The following SRPK2 variants were observed in gnomAD, a reference collection of about 807,000 sequenced individuals.
SRPK2 encodes the protein SRSF protein kinase 2.
In SRPK2, 21 loss-of-function variants were observed where a neutral mutation model predicts 90.8. That is an observed-to-expected ratio of 0.23 (90% CI 0.16 to 0.33). SRPK2 has a LOEUF of 0.33. Ranked by LOEUF, SRPK2 falls within the 10% of genes least tolerant of loss-of-function variation. The pLI is 1.00. For synonymous variants in SRPK2, 288 were observed against 311.1 expected (o/e 0.93, Z 0.78); for missense variants, 620 against 869.0 (o/e 0.71, Z 3.60).
intron 2 of SRPK2, among the ~76,000 whole-genome samples, chr7:105,342,826 A>G (rs561348118): frequency 8.1e-4 from 124 of 152,318 alleles, no homozygotes; most frequent in African/African-American, 2.9e-3. Flanking sequence ...ATAAACAAGA[A>G]GAGGAAAGGA....
chr7:105,224,652 G>C (rs1798501714), intron 2 of SRPK2, among the ~76,000 whole-genome samples: 1 of 152,050 alleles, frequency 6.6e-6, no homozygotes, highest in South Asian at 2.1e-4. Context: ...TAATTATCCA[G>C]TAAATACATC....
At chr7:105,170,610 C>T (rs1170423516) in intron 3 of SRPK2, among the ~76,000 whole-genome samples, 1 of 151,310 alleles carries the variant, frequency 6.6e-6, no homozygotes, top group Non-Finnish European at 1.5e-5. Flanking sequence ...AGAAGAATTG[C>T]TTGAACCCAG....
chr7:105,354,571 G>A (rs918317999), intron 2 of SRPK2, among the ~76,000 whole-genome samples: 2 of 152,154 alleles, frequency 1.3e-5, no homozygotes, highest in African/African-American at 2.4e-5. Context: ...GCATAGCAAT[G>A]CAAGAGATCA....
chr7:105,203,864 T>C, intron 2 of SRPK2, 79 bp from the exon 3 acceptor site: 3 of 1,490,092 alleles, frequency 2.0e-6, no homozygotes, highest in Admixed American at 2.3e-5. Flanking sequence ...CTTCTTAATA[T>C]GGGGGAAAAA....
chr7:105,300,545 T>C (rs775320596), intron 2 of SRPK2, among the ~76,000 whole-genome samples: 1 of 152,206 alleles, frequency 6.6e-6, no homozygotes, highest in Non-Finnish European at 1.5e-5. Context: ...CTAAGCTTCA[T>C]GTCAGTATAA....
chr7:105,355,498 T>A (rs4727619), intron 2 of SRPK2, among the ~76,000 whole-genome samples: 142,488 of 151,704 alleles, frequency 0.94, 67,596 homozygotes, highest in East Asian at 1. Flanking sequence ...TAAAAATTTT[T>A]AAAAAATTAG....
chr7:105,205,872 T>G, intron 2 of SRPK2: 1 of 512,712 alleles, frequency 2.0e-6, no homozygotes, highest in Non-Finnish European at 3.9e-6. Flanking sequence ...CTTTGAAAGC[T>G]AGCTGTTTCT....
intron 2 of SRPK2, among the ~76,000 whole-genome samples, chr7:105,311,987 G>T (rs1363470798): frequency 2.0e-5 from 3 of 152,102 alleles, no homozygotes; most frequent in Non-Finnish European, 4.4e-5. Context: ...ACAAATTGTG[G>T]TACATATATA....
At chr7:105,389,055 C>T (rs2132874187), upstream of SRPK2, 4 of 970,250 alleles carry the variant, frequency 4.1e-6, no homozygotes, top group South Asian at 1.4e-4. Flanking sequence ...CGCCCCGCGC[C>T]CCCGCCCCAC....
intron 2 of SRPK2, among the ~76,000 whole-genome samples, chr7:105,374,641 G>A (rs1391728100): frequency 6.6e-6 from 1 of 152,114 alleles, no homozygotes; most frequent in Non-Finnish European, 1.5e-5. Flanking sequence ...GTCTCATTCG[G>A]TCGCCCAGGT....
intron 2 of SRPK2, among the ~76,000 whole-genome samples, chr7:105,385,587 G>C (rs1821482631): frequency 6.6e-6 from 1 of 152,028 alleles, no homozygotes; most frequent in East Asian, 1.9e-4. Flanking sequence ...ACCTCTCTGG[G>C]CCACTCAGGC....
chr7:105,363,978 G>A lies in SRPK2; in HGVS notation c.71+24670C>T, dbSNP rs116936034. ...ATGTTCTCACTCGTAGGTGGGAGCC[G>A]GACAATGAGAACACATGGACACAGG... On this transcript the variant is annotated intron_variant, in intron 2 of 15. Transcript: ENST00000393651. Among the ~76,000 whole-genome samples, 1,361 of 151,324 alleles carry A rather than the reference G, an allele frequency of 9.0e-3. 11 individuals carry two copies. The highest frequency in any genetic ancestry group is 0.054 in the South Asian group (259 of 4,758).
At chr7:105,331,996 A>C (rs752645108) in intron 2 of SRPK2, among the ~76,000 whole-genome samples, 41 of 152,076 alleles carry the variant, frequency 2.7e-4, no homozygotes, top group Non-Finnish European at 4.9e-4. Flanking sequence ...CCATTTCTAA[A>C]AGAAAAAAAG....
At chr7:105,191,882 C>A (rs1285317905) in intron 3 of SRPK2, among the ~76,000 whole-genome samples, 1 of 144,068 alleles carries the variant, frequency 6.9e-6, no homozygotes, top group African/African-American at 2.5e-5. Flanking sequence ...ACAAAAAAAA[C>A]TTTTTTTTTT....
intron 2 of SRPK2, chr7:105,244,773 G>A (rs1801360457): frequency 4.1e-6 from 4 of 984,300 alleles, no homozygotes; most frequent in South Asian, 3.8e-5. Flanking sequence ...AAGTTTGTGC[G>A]GGACATGATC....
chr7:105,289,734 C>T (rs148156680), intron 2 of SRPK2, among the ~76,000 whole-genome samples: 13 of 152,204 alleles, frequency 8.5e-5, no homozygotes, highest in African/African-American at 2.2e-4. Flanking sequence ...TTTAAATTTC[C>T]GTCAAAAATT....
intron 7 of SRPK2, among the ~76,000 whole-genome samples, chr7:105,147,075 T>G (rs1348591670): frequency 1.3e-5 from 2 of 152,240 alleles, no homozygotes; most frequent in African/African-American, 2.4e-5. Flanking sequence ...ATCCACTTAA[T>G]GAATAGTAAG....
intron 2 of SRPK2, among the ~76,000 whole-genome samples, chr7:105,344,407 C>CTTT (rs1178845367): frequency 5.1e-5 from 3 of 58,454 alleles, no homozygotes; most frequent in Admixed American, 2.5e-4. Flanking sequence ...GCAGCCACAC[C>CTTT]TTTTTTTTTT....
At chr7:105,129,951 C>T (rs1288600741) in intron 13 of SRPK2, among the ~76,000 whole-genome samples, 1 of 152,116 alleles carries the variant, frequency 6.6e-6, no homozygotes, top group Non-Finnish European at 1.5e-5. Flanking sequence ...CCAGGACTCA[C>T]CATGGAGTTC....
Sources: allele counts gnomAD v4.1 joint callset (sites outside exome capture counted in the v4.1 genomes callset), GRCh38; gene constraint gnomAD v4.1.1; transcripts MANE v1.5; gene names NCBI Gene and HGNC (gene_info 2026-07-23, HGNC 2026-07-21).